The following UNC5C variants were observed in gnomAD, a reference collection of about 807,000 sequenced individuals.
The protein encoded by UNC5C is netrin receptor UNC5C.
A neutral mutation model predicts 99.8 loss-of-function variants in UNC5C; 47 were observed. That is an observed-to-expected ratio of 0.47 (90% CI 0.37 to 0.60). UNC5C has a LOEUF of 0.60. Among genes scored for constraint, UNC5C ranks in the 20% least tolerant of loss-of-function variants. The pLI, the probability that UNC5C is intolerant of heterozygous loss-of-function variation, is 0.00. For synonymous variants in UNC5C, 487 were observed against 452.2 expected, an observed-to-expected ratio of 1.08 and a Z score of -0.98; for missense variants, 1,062 against 1,165.9, an observed-to-expected ratio of 0.91 and a Z score of 1.30.
chr4:95,485,765 A>G (rs541361398), intron 1 of UNC5C, among the ~76,000 whole-genome samples: 3 of 151,854 alleles, frequency 2.0e-5, no homozygotes, highest in African/African-American at 7.2e-5. Context: ...TTGTCATTAG[A>G]TCCAGCTATA....
intron 1 of UNC5C, among the ~76,000 whole-genome samples, chr4:95,449,112 C>T (rs1747207078): frequency 6.6e-6 from 1 of 152,182 alleles, no homozygotes; most frequent in South Asian, 2.1e-4. Flanking sequence ...TGAAATATTG[C>T]TACTTTGTTC....
intron 2 of UNC5C, among the ~76,000 whole-genome samples, chr4:95,308,648 G>A (rs1369401997): frequency 4.7e-5 from 7 of 149,304 alleles, no homozygotes; most frequent in African/African-American, 1.7e-4. Flanking sequence ...AGCTGCTTGG[G>A]AGGCTGAGGC....
chr4:95,335,698 C>A, intron 1 of UNC5C, 67 bp from the exon 2 acceptor site: 1 of 1,306,944 alleles, frequency 7.7e-7, no homozygotes, highest in South Asian at 1.5e-5. Context: ...ACTTGCTAGT[C>A]ATGTAAAAAT....
chr4:95,545,817 T>A (rs1376447523), intron 1 of UNC5C, among the ~76,000 whole-genome samples: 1 of 151,476 alleles, frequency 6.6e-6, no homozygotes, highest in Admixed American at 6.6e-5. Flanking sequence ...AGTAAAATCT[T>A]TCATTCTTGG....
At chr4:95,202,084 C>T (rs2149360350) in intron 12 of UNC5C, among the ~76,000 whole-genome samples, 1 of 152,290 alleles carries the variant, frequency 6.6e-6, no homozygotes, top group African/African-American at 2.4e-5. Flanking sequence ...TCCTGAGCTC[C>T]CATATAGCAC....
chr4:95,473,034 A>G (rs1163950457), intron 1 of UNC5C, among the ~76,000 whole-genome samples: 1 of 152,150 alleles, frequency 6.6e-6, no homozygotes, highest in African/African-American at 2.4e-5. Flanking sequence ...TGTTACTCAA[A>G]TATCTTATAC....
chr4:95,457,335 T>G (rs1747468373), intron 1 of UNC5C, among the ~76,000 whole-genome samples: 1 of 152,136 alleles, frequency 6.6e-6, no homozygotes, highest in Non-Finnish European at 1.5e-5. Context: ...TTTTACACCA[T>G]ATTAAAAGCA....
At chr4:95,259,008 G>T (rs546143460) in intron 4 of UNC5C, among the ~76,000 whole-genome samples, 2 of 151,250 alleles carry the variant, frequency 1.3e-5, no homozygotes, top group African/African-American at 4.9e-5. Context: ...TGATCCACCC[G>T]CCTCGGCCTC....
intron 1 of UNC5C, among the ~76,000 whole-genome samples, chr4:95,428,134 A>T (rs1434806438): frequency 6.7e-6 from 1 of 148,516 alleles, no homozygotes; most frequent in Non-Finnish European, 1.5e-5. Context: ...TGCTAATTTT[A>T]TCCAGGAGTG....
At position 95,206,913 on chromosome 4, in the gene UNC5C, T is replaced by TG. The variant is rs1299864883; in HGVS notation, c.1734-118_1734-117insC. The TG allele has an allele frequency of 1.5e-5, 15 of 976,220 alleles. No homozygotes were observed. In the East Asian group the frequency reaches 4.2e-4, roughly 27 times the overall value. 60.5% of individuals were successfully genotyped at this position (976,220 alleles called of 1,614,324 possible). On this transcript the variant is annotated intron_variant, in intron 10 of 15. Transcript: ENST00000453304. The stretch of plus-strand genomic sequence containing the variant: ...TTTCTCCTGGAATTCTTTTTTTTTT[T>TG]TTTTTTCTGGGGGGTTGGGGAGAGG...
At chr4:95,203,899 C>A (rs1050338676) in intron 11 of UNC5C, among the ~76,000 whole-genome samples, 3 of 152,092 alleles carry the variant, frequency 2.0e-5, no homozygotes, top group African/African-American at 7.2e-5. Flanking sequence ...GTTCCTGAGT[C>A]GTCATCTGAT....
intron 1 of UNC5C, among the ~76,000 whole-genome samples, chr4:95,526,121 T>C (rs1235693025): frequency 6.6e-6 from 1 of 152,120 alleles, no homozygotes; most frequent in Non-Finnish European, 1.5e-5. Flanking sequence ...TATAGTACAT[T>C]TAATTCTAAA....
At chr4:95,548,149 A>G (rs1439244917) in intron 1 of UNC5C, among the ~76,000 whole-genome samples, 2 of 150,326 alleles carry the variant, frequency 1.3e-5, no homozygotes, top group African/African-American at 5.0e-5. Flanking sequence ...GATTCGGGTG[A>G]GCTGTGTATT....
chr4:95,176,380 A>G (rs1356267178), intron 14 of UNC5C, among the ~76,000 whole-genome samples: 7 of 151,344 alleles, frequency 4.6e-5, no homozygotes, highest in Non-Finnish European at 4.4e-5. Context: ...GGTTTTATCT[A>G]CTTTTGGTCT....
chr4:95,176,984 G>T (rs566347481), intron 14 of UNC5C, among the ~76,000 whole-genome samples: 2 of 146,502 alleles, frequency 1.4e-5, no homozygotes, highest in Middle Eastern at 3.4e-3. Flanking sequence ...CGCAGTACTT[G>T]GGGGGGAGTG....
At chr4:95,266,508 A>G (rs1307418055) in intron 4 of UNC5C, among the ~76,000 whole-genome samples, 1 of 152,230 alleles carries the variant, frequency 6.6e-6, no homozygotes, top group Non-Finnish European at 1.5e-5. Context: ...TAAAACTGCC[A>G]TCCCTACTTG....
intron 3 of UNC5C, among the ~76,000 whole-genome samples, chr4:95,287,222 T>C (rs1202505225): frequency 6.6e-6 from 1 of 152,208 alleles, no homozygotes; most frequent in African/African-American, 2.4e-5. Context: ...TATTCACTTA[T>C]ACTCCTTTAC....
chr4:95,535,540 C>G (rs1578214464), intron 1 of UNC5C, among the ~76,000 whole-genome samples: 1 of 152,122 alleles, frequency 6.6e-6, no homozygotes, highest in African/African-American at 2.4e-5. Context: ...CTGTTAATTA[C>G]AATTCTATGA....
chr4:95,352,673 A>G (rs1744034313), intron 1 of UNC5C, among the ~76,000 whole-genome samples: 1 of 152,176 alleles, frequency 6.6e-6, no homozygotes, highest in Non-Finnish European at 1.5e-5. Context: ...AGATCGTTCA[A>G]AAGCTTGGAA....
Sources: gnomAD v4.1 joint callset for allele counts (sites outside exome capture counted in the v4.1 genomes callset) on GRCh38, gnomAD v4.1.1 for gene constraint, MANE v1.5 for transcripts, NCBI Gene and HGNC (gene_info 2026-07-23, HGNC 2026-07-21) for gene names.